The following LGR6 variants were observed in gnomAD, a reference collection of about 807,000 sequenced individuals.
LGR6 encodes the protein leucine-rich repeat-containing G protein-coupled receptor 6.
Under a neutral mutation model 69.4 loss-of-function variants are expected in LGR6, and 45 were observed. That is an observed-to-expected ratio of 0.65 (90% confidence interval 0.51 to 0.83). The LOEUF (loss-of-function observed/expected upper bound fraction) is 0.83. Ranked by LOEUF, LGR6 falls within the 40% of genes least tolerant of loss-of-function variation. The pLI is 0.00. For synonymous variants in LGR6, 538 were observed against 555.0 expected, an observed-to-expected ratio of 0.97 and a Z score of 0.43; for missense variants, 1,108 against 1,246.7, an observed-to-expected ratio of 0.89 and a Z score of 1.68.
intron 7 of LGR6, among the ~76,000 whole-genome samples, chr1:202,298,318 G>A (rs963104866): frequency 1.3e-5 from 2 of 152,168 alleles, no homozygotes; most frequent in Non-Finnish European, 2.9e-5. Flanking sequence ...TGGGGAAGGG[G>A]AGAGGCATTT....
chr1:202,282,269 G>A (rs1221143626), intron 6 of LGR6, among the ~76,000 whole-genome samples: 1 of 152,218 alleles, frequency 6.6e-6, no homozygotes, highest in East Asian at 1.9e-4. Flanking sequence ...GGACAGTCTA[G>A]CCCACTCAAT....
chr1:202,206,181 T>C (rs180994275), intron 1 of LGR6, among the ~76,000 whole-genome samples: 1 of 152,332 alleles, frequency 6.6e-6, no homozygotes, highest in East Asian at 1.9e-4. Flanking sequence ...TTAGGGGCTG[T>C]AAACTAATCC....
chr1:202,252,058 A>G (rs1663304187), intron 4 of LGR6, among the ~76,000 whole-genome samples: 1 of 152,040 alleles, frequency 6.6e-6, no homozygotes, highest in South Asian at 2.1e-4. Flanking sequence ...AAGTCATCAA[A>G]TGACACCACT....
chr1:202,273,276 G>C (rs1665258083), intron 4 of LGR6, among the ~76,000 whole-genome samples: 1 of 152,108 alleles, frequency 6.6e-6, no homozygotes, highest in Non-Finnish European at 1.5e-5. Context: ...GATGTTCTCT[G>C]CCCTGAGCTT....
At chr1:202,297,613 G>A in intron 7 of LGR6, 37 bp downstream of exon 7, 1 of 1,578,394 alleles carries the variant, frequency 6.3e-7, no homozygotes, top group Non-Finnish European at 8.7e-7. Flanking sequence ...GTGTCCTTCT[G>A]TCCCAAGGGC....
intron 6 of LGR6, among the ~76,000 whole-genome samples, chr1:202,295,661 G>A (rs1275186074): frequency 1.3e-5 from 2 of 152,178 alleles, no homozygotes; most frequent in African/African-American, 4.8e-5. Flanking sequence ...TTTAGTCAAA[G>A]TGCTTTGCAC....
At position 202,313,921 on chromosome 1, in the gene LGR6, T is replaced by C. The variant is rs114411647; in HGVS notation, c.1568-881T>C. On this transcript the variant is annotated intron_variant, in intron 16 of 17. Transcript: ENST00000367278. Reference sequence around the variant, plus strand: ...CACTCATTGTAGCATGACAATTTGTTTCCTTATTAGTCTCCACAAGCTCTT... The same window carrying C: ...CACTCATTGTAGCATGACAATTTGTCTCCTTATTAGTCTCCACAAGCTCTT... Among the ~76,000 whole-genome samples, 840 of 152,306 alleles carry C rather than the reference T, an allele frequency of 5.5e-3. 11 individuals carry two copies. Among genetic ancestry groups the C allele is most frequent in the African/African-American group, 0.019 (801 of 41,546 alleles).
Position 202,285,059 on chromosome 1 carries a change from G to A in LGR6, c.716+4207G>A, listed in dbSNP as rs543215819. 3.9e-5 allele frequency among the ~76,000 whole-genome samples: 6 copies of A among 152,350 alleles called. No individual in the cohort carries two copies. In the South Asian group the frequency reaches 1.0e-3, roughly 26 times the overall value. On this transcript the variant is annotated intron_variant, in intron 6 of 17. Transcript: ENST00000367278. ...AGCATTCAACAGGGGCCTGGGACAG[G>A]AAGAGGGCAAAGAAGAAATGTATTG...
chr1:202,233,256 G>C (rs966586986), intron 3 of LGR6, among the ~76,000 whole-genome samples: 17 of 152,278 alleles, frequency 1.1e-4, no homozygotes, highest in Middle Eastern at 3.4e-3. Flanking sequence ...GGAAAGGATG[G>C]AGGAATCTTA....
intron 16 of LGR6, among the ~76,000 whole-genome samples, chr1:202,312,834 A>T (rs369851771): frequency 1.3e-5 from 2 of 152,302 alleles, no homozygotes; most frequent in South Asian, 4.1e-4. Flanking sequence ...CTAGATTCTC[A>T]TTTCAAAATT....
intron 9 of LGR6, among the ~76,000 whole-genome samples, chr1:202,302,052 T>A (rs1232493955): frequency 1.5e-4 from 23 of 152,024 alleles, no homozygotes; most frequent in Admixed American, 1.5e-3. Context: ...CCGGACGTGG[T>A]GGTGCATGCC....
intron 4 of LGR6, among the ~76,000 whole-genome samples, chr1:202,272,767 A>G (rs1665209659): frequency 6.6e-6 from 1 of 152,236 alleles, no homozygotes; most frequent in Non-Finnish European, 1.5e-5. Flanking sequence ...TGGCCAGCAA[A>G]CGTGTGTACT....
chr1:202,203,329 T>C (rs1658903143), intron 1 of LGR6, among the ~76,000 whole-genome samples: 1 of 152,168 alleles, frequency 6.6e-6, no homozygotes, highest in Non-Finnish European at 1.5e-5. Flanking sequence ...TCTCCAGGTC[T>C]CTGGACCTCT....
At chr1:202,315,560 A>G (rs1654081590) in intron 17 of LGR6, among the ~76,000 whole-genome samples, 1 of 152,244 alleles carries the variant, frequency 6.6e-6, no homozygotes. Flanking sequence ...AGGCCACAGA[A>G]GGTGGCAAGC....
chr1:202,316,637 A>C (rs935996877), intron 17 of LGR6, among the ~76,000 whole-genome samples: 20 of 152,328 alleles, frequency 1.3e-4, no homozygotes, highest in Non-Finnish European at 1.0e-4. Context: ...TACCAAAATA[A>C]TGAGTTATCT....
intron 4 of LGR6, among the ~76,000 whole-genome samples, chr1:202,245,864 G>A (rs1662617029): frequency 6.6e-6 from 1 of 152,074 alleles, no homozygotes; most frequent in African/African-American, 2.4e-5. Context: ...GGGTCTGTCA[G>A]GAGGGAAGAG....
chr1:202,281,600 A>G (rs1558060026), intron 6 of LGR6, among the ~76,000 whole-genome samples: 1 of 151,994 alleles, frequency 6.6e-6, no homozygotes, highest in African/African-American at 2.4e-5. Context: ...CTCAGCATCC[A>G]TGAGGGAGCT....
At chr1:202,291,618 G>T (rs1224644317) in intron 6 of LGR6, among the ~76,000 whole-genome samples, 30 of 152,138 alleles carry the variant, frequency 2.0e-4, no homozygotes, top group Non-Finnish European at 4.4e-4. Context: ...CTGTCTCATT[G>T]GGGAGACAAT....
chr1:202,316,279 G>T (rs1222027164), intron 17 of LGR6, among the ~76,000 whole-genome samples: 3 of 152,192 alleles, frequency 2.0e-5, no homozygotes, highest in African/African-American at 7.2e-5. Flanking sequence ...GCTTCAACTT[G>T]TGATGGAAAG....
Sources: allele counts gnomAD v4.1 joint callset (sites outside exome capture counted in the v4.1 genomes callset), GRCh38; gene constraint gnomAD v4.1.1; transcripts MANE v1.5; gene names NCBI Gene and HGNC (gene_info 2026-07-23, HGNC 2026-07-21).